ATG7: variants seen among roughly 807,000 people sequenced by gnomAD.
ATG7 encodes ubiquitin-like modifier-activating enzyme ATG7.
A neutral mutation model predicts 82.4 loss-of-function variants in ATG7; 70 were observed. The ratio of observed to expected loss-of-function variants is 0.85; its 90% confidence interval spans 0.70 to 1.04. ATG7 has a LOEUF of 1.04. Among genes scored for constraint, ATG7 ranks in the 50% least tolerant of loss-of-function variants. ATG7 has a pLI of 0.00. For synonymous variants in ATG7, 287 were observed against 313.0 expected (o/e 0.92, Z 0.88); for missense variants, 792 against 864.3 (o/e 0.92, Z 1.05).
At chr3:11,508,580 G>A (rs1014063539) in intron 20 of ATG7, among the ~76,000 whole-genome samples, 3 of 152,040 alleles carry the variant, frequency 2.0e-5, no homozygotes, top group Admixed American at 6.6e-5. Context: ...TTCAGCTTCC[G>A]AAGTAGCTGG....
At chr3:11,454,495 C>G (rs2085507542) in intron 20 of ATG7, among the ~76,000 whole-genome samples, 2 of 152,180 alleles carry the variant, frequency 1.3e-5, no homozygotes. Context: ...AGTATGGAGA[C>G]CACACATGGA....
intron 19 of ATG7, among the ~76,000 whole-genome samples, chr3:11,396,782 C>CAAA (rs776333119): frequency 1.1e-5 from 1 of 94,250 alleles, no homozygotes; most frequent in Non-Finnish European, 2.5e-5. Context: ...ACTCTGTCTC[C>CAAA]AAAAAAAAAA....
At chr3:11,488,604 C>G (rs2090014439) in intron 20 of ATG7, 3 of 503,094 alleles carry the variant, frequency 6.0e-6, no homozygotes, top group East Asian at 5.3e-5. Flanking sequence ...AGCCACCGAC[C>G]CCAGCCCGCG....
Position 11,437,853 on chromosome 3 carries a change from C to T in ATG7, c.2079+10927C>T, listed in dbSNP as rs183441289. ...TGAATCTGCTAAGAATATAGACATT[C>T]TCTGATGTAAACAGAGTACCATCAT... On this transcript the variant is annotated intron_variant, in intron 20 of 20. Transcript: ENST00000693202. 2.2e-4 allele frequency among the ~76,000 whole-genome samples: 33 copies of T among 152,326 alleles called. 1 individual carries two copies. The highest frequency in any genetic ancestry group is 2.0e-3 in the Admixed American group (30 of 15,302).
chr3:11,462,842 TTTA>T (rs1341482716), intron 20 of ATG7, among the ~76,000 whole-genome samples: 9 of 806 alleles, frequency 0.011, no homozygotes, highest in African/African-American at 0.018. Flanking sequence ...CTCAGATATT[TTTA>T]TTTATTTATT....
At chr3:11,485,654 C>G (rs1164848579) in intron 20 of ATG7, among the ~76,000 whole-genome samples, 1 of 152,122 alleles carries the variant, frequency 6.6e-6, no homozygotes, top group Admixed American at 6.5e-5. Context: ...AGGTTTTCTT[C>G]TAGGGTTTTT....
At chr3:11,558,018 C>CA (rs2072599648), downstream of ATG7, 2 of 155,920 alleles carry the variant, frequency 1.3e-5, no homozygotes, top group African/African-American at 4.8e-5. Context: ...AGTTTGCCCT[C>CA]AGAGTTCTGG....
chr3:11,503,175 C>G (rs2091465864), intron 20 of ATG7, among the ~76,000 whole-genome samples: 1 of 152,154 alleles, frequency 6.6e-6, no homozygotes, highest in Admixed American at 6.5e-5. Context: ...CTTTGAATGA[C>G]AGTCGGCCAG....
chr3:11,333,306 T>C (rs1428633289), intron 11 of ATG7, among the ~76,000 whole-genome samples: 1 of 152,240 alleles, frequency 6.6e-6, no homozygotes, highest in Non-Finnish European at 1.5e-5. Flanking sequence ...GGAAATTTTC[T>C]CTAGGCAGTT....
At chr3:11,447,961 C>T (rs1374812235) in intron 20 of ATG7, among the ~76,000 whole-genome samples, 4 of 152,190 alleles carry the variant, frequency 2.6e-5, no homozygotes, top group African/African-American at 7.2e-5. Flanking sequence ...GTTCAGTCTC[C>T]TCTTAGTTCT....
At chr3:11,392,569 C>T (rs1468272324) in intron 19 of ATG7, among the ~76,000 whole-genome samples, 3 of 152,014 alleles carry the variant, frequency 2.0e-5, no homozygotes, top group Non-Finnish European at 2.9e-5. Context: ...GGCACCCAGG[C>T]CCAGCAAAAC....
At chr3:11,450,550 C>T (rs562318000) in intron 20 of ATG7, among the ~76,000 whole-genome samples, 25 of 152,290 alleles carry the variant, frequency 1.6e-4, no homozygotes, top group African/African-American at 5.8e-4. Context: ...GTTTTGTCTA[C>T]CATTCTCCAT....
downstream of ATG7, among the ~76,000 whole-genome samples, chr3:11,561,415 G>A (rs1324388054): frequency 1.3e-5 from 2 of 152,194 alleles, no homozygotes; most frequent in East Asian, 1.9e-4. Context: ...CTGAGCTGGG[G>A]CGAATTGCCT....
At chr3:11,568,737 G>T in the ATG7 span, 1 of 1,533,968 alleles carries the variant, frequency 6.5e-7, no homozygotes, top group Non-Finnish European at 8.8e-7. The surrounding 1 kb of genome is among the most constrained non-coding windows in gnomAD (Gnocchi z 5.9). Context: ...GCAGAAAACC[G>T]CACGCATCCT....
chr3:11,335,054 T>C (rs1197898572), intron 11 of ATG7, among the ~76,000 whole-genome samples: 1 of 152,012 alleles, frequency 6.6e-6, no homozygotes, highest in Non-Finnish European at 1.5e-5. Context: ...TTTTCAGCGA[T>C]TCTATGCTCT....
At position 11,281,774 on chromosome 3, in the gene ATG7, C is replaced by CAA. The variant is rs537058033; in HGVS notation, c.-256-403_-256-402dup. On this transcript the variant is annotated intron_variant, in intron 2 of 20. Transcript: ENST00000693202. ...GGGCAACAAGAGCGAAACTCCATCT[C>CAA]AAAAAAAAAAAAAAAAAGAGAAAAG... Among the ~76,000 whole-genome samples, 561 of 56,366 alleles carry CAA rather than the reference C, an allele frequency of 1.0e-2. 5 individuals are homozygous for CAA. Among genetic ancestry groups the CAA allele is most frequent in the African/African-American group, 0.034 (532 of 15,504 alleles). 37.0% of individuals were successfully genotyped at this position (56,366 alleles called of 152,430 possible).
At chr3:11,417,805 ATT>A (rs200364263) in intron 19 of ATG7, among the ~76,000 whole-genome samples, 2,779 of 52,420 alleles carry the variant, frequency 0.053, 74 homozygotes, top group East Asian at 0.097. Flanking sequence ...TTATTATTTT[ATT>A]TTATTTTATT....
At chr3:11,486,471 T>C (rs2089662912) in intron 20 of ATG7, among the ~76,000 whole-genome samples, 3 of 152,016 alleles carry the variant, frequency 2.0e-5, no homozygotes, top group Admixed American at 1.3e-4. Flanking sequence ...TATACAACCA[T>C]GTCATCTGCA....
At chr3:11,478,069 T>A (rs2088469988) in intron 20 of ATG7, among the ~76,000 whole-genome samples, 1 of 152,188 alleles carries the variant, frequency 6.6e-6, no homozygotes, top group Non-Finnish European at 1.5e-5. Flanking sequence ...ATGATTATCC[T>A]GCCTGGATCC....
Sources: allele counts gnomAD v4.1 joint callset (sites outside exome capture counted in the v4.1 genomes callset), GRCh38; gene constraint gnomAD v4.1.1; non-coding constraint Gnocchi (gnomAD v3.1); transcripts MANE v1.5; gene names NCBI Gene and HGNC (gene_info 2026-07-23, HGNC 2026-07-21).